The following SCAF4 variants were observed in gnomAD, a reference collection of about 807,000 sequenced individuals.
SCAF4 encodes the protein SR-related and CTD-associated factor 4.
SCAF4 carries 25 observed loss-of-function variants against 129.8 expected under a neutral mutation model. That is an observed-to-expected ratio of 0.19 (90% confidence interval 0.14 to 0.27). The LOEUF (loss-of-function observed/expected upper bound fraction) is 0.27. Ranked by LOEUF, SCAF4 falls within the 10% of genes least tolerant of loss-of-function variation. The pLI is 1.00. For synonymous variants in SCAF4, 551 were observed against 497.7 expected (o/e 1.11, Z -1.43); for missense variants, 1,246 against 1,457.1 (o/e 0.86, Z 2.36).
chr21:31,723,963 C>A (rs989258970), intron 1 of SCAF4, among the ~76,000 whole-genome samples: 3 of 152,146 alleles, frequency 2.0e-5, no homozygotes, highest in Non-Finnish European at 4.4e-5. Context: ...TTCTTAACTC[C>A]ACTGCTGAGT....
chr21:31,676,869 G>A (rs1275596274), intron 19 of SCAF4, among the ~76,000 whole-genome samples: 2 of 144,662 alleles, frequency 1.4e-5, no homozygotes, highest in Non-Finnish European at 2.9e-5. Flanking sequence ...CCCCTCATCT[G>A]TCCCAGCCCC....
chr21:31,726,109 G>A (rs1196994193), intron 1 of SCAF4, among the ~76,000 whole-genome samples: 7 of 150,750 alleles, frequency 4.6e-5, no homozygotes, highest in African/African-American at 7.3e-5. Flanking sequence ...GCAGTGGCGC[G>A]ATCTCGGCTC....
chr21:31,719,962 CA>C (rs2051031738), intron 1 of SCAF4, among the ~76,000 whole-genome samples: 1 of 152,132 alleles, frequency 6.6e-6, no homozygotes, highest in Non-Finnish European at 1.5e-5. Flanking sequence ...ATGTACTTCC[CA>C]AATCAATCCA....
At chr21:31,715,275 T>C (rs750183726) in intron 1 of SCAF4, among the ~76,000 whole-genome samples, 2 of 152,172 alleles carry the variant, frequency 1.3e-5, no homozygotes, top group Admixed American at 6.5e-5. Flanking sequence ...GTTGTTTTAT[T>C]TCCTTCTTTG....
chr21:31,708,665 C>A (rs570093090), intron 1 of SCAF4, among the ~76,000 whole-genome samples: 2,521 of 152,212 alleles, frequency 0.017, 71 homozygotes, highest in African/African-American at 0.057. Context: ...AACACACCCA[C>A]ACACATTTAA....
intron 1 of SCAF4, among the ~76,000 whole-genome samples, chr21:31,716,565 C>G (rs2050924471): frequency 6.6e-6 from 1 of 152,236 alleles, no homozygotes; most frequent in Non-Finnish European, 1.5e-5. Context: ...CACATAGACA[C>G]TGTATAACAA....
chr21:31,709,340 C>T (rs1157108602), intron 1 of SCAF4, among the ~76,000 whole-genome samples: 1 of 135,098 alleles, frequency 7.4e-6, no homozygotes, highest in African/African-American at 2.8e-5. Flanking sequence ...CTTACTGGTA[C>T]TGAAACTGTC....
rs748174835 is a variant in SCAF4, at chr21:31,696,641, G to C, written c.887C>G (p.Pro296Arg). The part of the protein sequence containing the change: ...TTTAPAAAVP[P>R]APTATVPAAA... Reference sequence around the variant, plus strand: ...AGCAGGCACGGTGGCGGTGGGTGCAGGGGGTACTGCGGCAGCAGGTGCTGT... The same window carrying C: ...AGCAGGCACGGTGGCGGTGGGTGCACGGGGTACTGCGGCAGCAGGTGCTGT... The change falls in exon 8 of 20, where the codon CCT becomes CGT. Residue 296 changes from proline to arginine, a missense_variant. Around this residue, in one of 6 missense-constraint regions of SCAF4, gnomAD observed 236 missense variants for 210.0 expected, o/e 1.12. Transcript: ENST00000286835. 2.0e-5 allele frequency: 33 copies of C among 1,613,888 alleles called. No individual in the cohort carries two copies. The South Asian group carries it at 3.2e-4, about 16-fold the overall frequency.
At chr21:31,693,881 T>A (rs2050318357) in intron 11 of SCAF4, among the ~76,000 whole-genome samples, 1 of 152,220 alleles carries the variant, frequency 6.6e-6, no homozygotes, top group Admixed American at 6.5e-5. Flanking sequence ...TTTCCACTTT[T>A]GCTGGCTGAT....
intron 4 of SCAF4, 68 bp from the exon 5 acceptor site, chr21:31,702,447 AAAAAAGAGAGGAAAACT>A: frequency 1.4e-6 from 2 of 1,408,152 alleles, no homozygotes; most frequent in Non-Finnish European, 2.0e-6. Context: ...ACTCTTACAA[AAAAAAGAGAGGAAAACT>A]CCCTAGGCTA....
At chr21:31,731,483 C>A (rs894965340) in intron 1 of SCAF4, among the ~76,000 whole-genome samples, 180 bp downstream of exon 1, 1 of 152,118 alleles carries the variant, frequency 6.6e-6, no homozygotes, top group African/African-American at 2.4e-5. Context: ...GGGGTCAGTT[C>A]CCGTGGTCGC....
intron 1 of SCAF4, among the ~76,000 whole-genome samples, chr21:31,724,394 GT>G (rs2051150086): frequency 6.6e-6 from 1 of 152,048 alleles, no homozygotes. Flanking sequence ...ATTTTGAACT[GT>G]TAATAGGTAA....
Position 31,702,385 on chromosome 21 carries a change from A to ACG in SCAF4, c.322-8_322-7dup, listed in dbSNP as rs2050554612. On this transcript the variant is annotated splice_polypyrimidine_tract_variant and splice_region_variant and intron_variant, in intron 4 of 19. Transcript: ENST00000286835. ...AGCACACGAACTATTTTACTCTGTTACGCATGAGAAACACAAATATACAAT... is the reference window on the plus strand; with the variant it reads ...AGCACACGAACTATTTTACTCTGTTACGCGCATGAGAAACACAAATATACAAT... 6.2e-7 allele frequency: 1 copy of ACG among 1,612,002 alleles called. No individual in the cohort carries two copies. Among genetic ancestry groups the ACG allele is most frequent in the African/African-American group, 1.3e-5 (1 of 74,866 alleles).
chr21:31,728,474 A>G (rs2051263217), intron 1 of SCAF4, among the ~76,000 whole-genome samples: 1 of 152,158 alleles, frequency 6.6e-6, no homozygotes, highest in Non-Finnish European at 1.5e-5. Flanking sequence ...TATACAAAAT[A>G]TTATCTTCGG....
At chr21:31,699,870 T>C (rs2050479958) in intron 7 of SCAF4, among the ~76,000 whole-genome samples, 1 of 152,208 alleles carries the variant, frequency 6.6e-6, no homozygotes, top group Non-Finnish European at 1.5e-5. Context: ...CTGTTCAGCA[T>C]ATCCATATCC....
intron 6 of SCAF4, among the ~76,000 whole-genome samples, 156 bp from the exon 7 acceptor site, chr21:31,701,327 T>C (rs912712161): frequency 3.3e-5 from 5 of 152,224 alleles, no homozygotes; most frequent in Admixed American, 1.3e-4. Context: ...AAATTTGTTG[T>C]GAATGAATAT....
intron 19 of SCAF4, among the ~76,000 whole-genome samples, chr21:31,682,671 A>G (rs1183713930): frequency 6.6e-6 from 1 of 152,204 alleles, no homozygotes; most frequent in African/African-American, 2.4e-5. Context: ...TTTAGCATCA[A>G]CTTCTAGACT....
At chr21:31,699,498 ATTTG>A (rs1374229211) in intron 7 of SCAF4, among the ~76,000 whole-genome samples, 2 of 144,790 alleles carry the variant, frequency 1.4e-5, no homozygotes, top group Non-Finnish European at 3.0e-5. Context: ...TTTCTGTATT[ATTTG>A]TTTTTTTTTT....
intron 12 of SCAF4, 93 bp downstream of exon 12, chr21:31,693,201 T>C (rs2050300726): frequency 8.7e-6 from 8 of 920,748 alleles, no homozygotes; most frequent in East Asian, 2.9e-5. Flanking sequence ...AGTGGTAACA[T>C]TTCTTTTATA....
Sources: gnomAD v4.1 joint callset for allele counts (sites outside exome capture counted in the v4.1 genomes callset) on GRCh38, gnomAD v4.1.1 for gene constraint, gnomAD v4.1.1 regional missense constraint, MANE v1.5 for transcripts, NCBI Gene and HGNC (gene_info 2026-07-23, HGNC 2026-07-21) for gene names.